Variants in PLXDC2 observed in about 807,000 individuals in gnomAD.
PLXDC2 encodes plexin domain containing 2, also known as plexin domain-containing protein 2.
PLXDC2 carries 40 observed loss-of-function variants against 68.9 expected under a neutral mutation model. The observed-to-expected ratio is 0.58, with a 90% CI of 0.45 to 0.76. The LOEUF is 0.76. Among genes scored for constraint, PLXDC2 ranks in the 30% least tolerant of loss-of-function variants. PLXDC2 has a pLI of 0.00. For missense variants in PLXDC2, 644 were observed against 661.9 expected (o/e 0.97, Z 0.30); for synonymous variants, 243 against 234.2 (o/e 1.04, Z -0.34).
chr10:19,951,748 G>A lies in PLXDC2; in HGVS notation c.113-50027G>A, dbSNP rs544461888. Reference sequence around the variant, plus strand: ...TAGCAAAGATGTGGAATCAATTCAGGTGCCCATCAGTGGGGGATTGGATAA... The same window carrying A: ...TAGCAAAGATGTGGAATCAATTCAGATGCCCATCAGTGGGGGATTGGATAA... On this transcript the variant is annotated intron_variant, in intron 1 of 13. Transcript: ENST00000377252. 2.9e-3 allele frequency among the ~76,000 whole-genome samples: 437 copies of A among 152,254 alleles called. 4 individuals carry two copies. Among genetic ancestry groups the A allele is most frequent in the African/African-American group, 0.01 (417 of 41,544 alleles).
chr10:20,059,648 A>G (rs149379321), intron 3 of PLXDC2, among the ~76,000 whole-genome samples: 1 of 152,250 alleles, frequency 6.6e-6, no homozygotes, highest in Non-Finnish European at 1.5e-5. Context: ...CTGTTTGTAT[A>G]TTTGTGTATT....
At chr10:19,874,803 G>A (rs189047212) in intron 1 of PLXDC2, among the ~76,000 whole-genome samples, 87 of 152,310 alleles carry the variant, frequency 5.7e-4, no homozygotes, top group Non-Finnish European at 1.0e-3. Flanking sequence ...GGCCGGAAAA[G>A]CTGAGTGCTT....
intron 2 of PLXDC2, among the ~76,000 whole-genome samples, chr10:20,020,127 T>A (rs1304671000): frequency 2.0e-5 from 3 of 151,044 alleles, no homozygotes; most frequent in African/African-American, 7.3e-5. Context: ...TCCTCCTGCC[T>A]TAGCCTCCTG....
intron 13 of PLXDC2, among the ~76,000 whole-genome samples, chr10:20,253,057 G>T (rs1835699550): frequency 6.6e-6 from 1 of 151,882 alleles, no homozygotes; most frequent in African/African-American, 2.4e-5. Flanking sequence ...AAAAAAGACT[G>T]CTCTCCAAAA....
chr10:20,260,310 A>G lies in PLXDC2; in HGVS notation c.1473+14805A>G, dbSNP rs374989677. Among the ~76,000 whole-genome samples the G allele has an allele frequency of 9.8e-5, 15 of 152,332 alleles. No individual in the cohort carries two copies. In the South Asian group the frequency reaches 1.2e-3, roughly 13 times the overall value. On this transcript the variant is annotated intron_variant, in intron 13 of 13. Transcript: ENST00000377252. Reference sequence around the variant, plus strand: ...AAATCTCTAGACTTATTTGTCGTACATAACTGCAAGTTTGTACCTTTGGGT... The same window carrying G: ...AAATCTCTAGACTTATTTGTCGTACGTAACTGCAAGTTTGTACCTTTGGGT...
Position 20,164,479 on chromosome 10 carries a change from G to GA in PLXDC2, c.795_796insA (p.Val266SerfsTer38). 1 of 1,612,400 alleles carries GA rather than the reference G, an allele frequency of 6.2e-7. No homozygotes were observed. Among genetic ancestry groups the GA allele is most frequent in the South Asian group, 1.1e-5 (1 of 91,020 alleles). ...TTGTTTTTTTCCAGATTCCTGTCTT[G>GA]GTCACACAGATAAGTTCAACCAATC... is the stretch of plus-strand genomic sequence containing the variant. On this transcript the variant is annotated frameshift_variant, in exon 7 of 14. Transcript: ENST00000377252. LOFTEE classifies it high-confidence loss of function.
chr10:19,820,448 GGTGAGACCCC>G (rs1836442316), intron 1 of PLXDC2, among the ~76,000 whole-genome samples: 1 of 151,668 alleles, frequency 6.6e-6, no homozygotes, highest in Admixed American at 6.6e-5. Context: ...TGGCTAACAA[GGTGAGACCCC>G]GTCTCTACTA....
At chr10:20,265,186 T>G (rs1835854586) in intron 13 of PLXDC2, among the ~76,000 whole-genome samples, 1 of 152,182 alleles carries the variant, frequency 6.6e-6, no homozygotes, top group Non-Finnish European at 1.5e-5. Context: ...TAAATTATTA[T>G]CCATGTGGAG....
intron 12 of PLXDC2, among the ~76,000 whole-genome samples, chr10:20,220,733 A>G (rs772312881): frequency 1.4e-4 from 21 of 152,122 alleles, no homozygotes; most frequent in Admixed American, 1.2e-3. Flanking sequence ...AGAAGTGAAC[A>G]AGGCTTAGAC....
At chr10:19,896,949 T>C (rs1344529133) in intron 1 of PLXDC2, among the ~76,000 whole-genome samples, 1 of 152,182 alleles carries the variant, frequency 6.6e-6, no homozygotes, top group Non-Finnish European at 1.5e-5. Flanking sequence ...CTGAGGTTCT[T>C]CATATTTACT....
At chr10:20,041,628 T>C (rs1835683891) in intron 2 of PLXDC2, among the ~76,000 whole-genome samples, 1 of 152,208 alleles carries the variant, frequency 6.6e-6, no homozygotes, top group Non-Finnish European at 1.5e-5. Flanking sequence ...GATCTCCTTT[T>C]TTTTCCCCTG....
At chr10:20,162,059 AGAGAGAGAGAGAGAAGGAAGGAAGGAAG>A (rs1429152256) in intron 6 of PLXDC2, among the ~76,000 whole-genome samples, 132 of 122,696 alleles carry the variant, frequency 1.1e-3, no homozygotes, top group Middle Eastern at 3.8e-3. Flanking sequence ...AGAGAGAGAG[AGAGAGAGAGAGAGAAGGAAGGAAGGAAG>A]GAAGGAAGGA....
At chr10:20,272,481 C>T (rs1835952774) in intron 13 of PLXDC2, among the ~76,000 whole-genome samples, 1 of 152,010 alleles carries the variant, frequency 6.6e-6, no homozygotes, top group South Asian at 2.1e-4. Flanking sequence ...GAGCTTGTCA[C>T]CCATGAGTCT....
chr10:20,211,579 A>C, intron 9 of PLXDC2, 90 bp from the exon 10 acceptor site: 1 of 1,102,894 alleles, frequency 9.1e-7, no homozygotes. Flanking sequence ...GTGAGAATGA[A>C]CTACCTACTA....
At chr10:20,116,718 G>A (rs1000271925) in intron 4 of PLXDC2, among the ~76,000 whole-genome samples, 6 of 152,232 alleles carry the variant, frequency 3.9e-5, no homozygotes, top group African/African-American at 1.4e-4. Flanking sequence ...GACATAGAAA[G>A]GAGAAATTTG....
intron 1 of PLXDC2, among the ~76,000 whole-genome samples, chr10:19,833,872 T>G (rs1482428381): frequency 6.6e-6 from 1 of 151,438 alleles, no homozygotes; most frequent in Non-Finnish European, 1.5e-5. Flanking sequence ...AGATAAGAAA[T>G]GTCAAAATAA....
At chr10:20,044,493 G>A (rs113798151) in intron 2 of PLXDC2, among the ~76,000 whole-genome samples, 2,662 of 151,372 alleles carry the variant, frequency 0.018, 76 homozygotes, top group African/African-American at 0.061. Context: ...TATTTATAGC[G>A]GAGACGGGGT....
In PLXDC2 at chr10:19,904,692, A is replaced by C. The variant is rs181287690; in HGVS notation, c.112+87501A>C. On this transcript the variant is annotated intron_variant, in intron 1 of 13. Coordinates refer to ENST00000377252, the MANE Select transcript of PLXDC2 (RefSeq NM_032812.9). ...TTGGTATGTTCCTGTGGTAGTTCTT[A>C]GAGCAAAAGTTCATGATATGAGTTT... is the stretch of plus-strand genomic sequence containing the variant. 1.6e-3 allele frequency among the ~76,000 whole-genome samples: 240 copies of C among 152,314 alleles called. 2 individuals carry two copies. The South Asian group carries it at 0.019, about 12-fold the overall frequency.
intron 1 of PLXDC2, among the ~76,000 whole-genome samples, chr10:19,844,202 A>G (rs1017419718): frequency 5.3e-5 from 8 of 152,352 alleles, no homozygotes; most frequent in African/African-American, 1.9e-4. Context: ...GTGACTGTGA[A>G]GAGCGAAAGT....
Sources: gnomAD v4.1 joint callset for allele counts (sites outside exome capture counted in the v4.1 genomes callset) on GRCh38, gnomAD v4.1.1 for gene constraint, MANE v1.5 for transcripts, NCBI Gene and HGNC (gene_info 2026-07-23, HGNC 2026-07-21) for gene names.